The following TACR3 variants were observed in gnomAD, a reference collection of about 807,000 sequenced individuals.
TACR3 encodes neuromedin-K receptor.
In TACR3, 34 loss-of-function variants were observed where a neutral mutation model predicts 35.0. That is an observed-to-expected ratio of 0.97 (90% CI 0.74 to 1.30). The LOEUF (loss-of-function observed/expected upper bound fraction) is 1.30, where lower values mean the gene tolerates loss of function less well. Ranked by LOEUF, TACR3 falls within the 50% of genes most tolerant of loss-of-function variation. The pLI is 0.00. For synonymous variants in TACR3, 233 were observed against 221.1 expected (o/e 1.05, Z -0.48); for missense variants, 558 against 591.7 (o/e 0.94, Z 0.59).
chr4:103,614,377 T>C (rs73835386), intron 3 of TACR3, among the ~76,000 whole-genome samples: 10,307 of 152,172 alleles, frequency 0.068, 376 homozygotes, highest in Middle Eastern at 0.082. Flanking sequence ...GATTTTTTTT[T>C]CCTTGATATT....
intron 1 of TACR3, among the ~76,000 whole-genome samples, chr4:103,662,330 C>T (rs1487105572): frequency 2.0e-5 from 3 of 150,786 alleles, no homozygotes; most frequent in Non-Finnish European, 4.4e-5. Context: ...AAGCAATTCT[C>T]TTGTCTCAGC....
At chr4:103,684,547 A>G (rs1722186478) in intron 1 of TACR3, among the ~76,000 whole-genome samples, 1 of 152,208 alleles carries the variant, frequency 6.6e-6, no homozygotes. Context: ...TAAAAAAATA[A>G]AGACCGAAAT....
intron 1 of TACR3, among the ~76,000 whole-genome samples, chr4:103,707,646 C>G (rs187982693): frequency 2.6e-5 from 4 of 151,628 alleles, no homozygotes; most frequent in Admixed American, 1.3e-4. Context: ...GTTTGTCAGA[C>G]AGTGGGTACA....
At chr4:103,599,110 T>A (rs1724121629) in intron 3 of TACR3, among the ~76,000 whole-genome samples, 2 of 152,198 alleles carry the variant, frequency 1.3e-5, no homozygotes, top group African/African-American at 4.8e-5. Flanking sequence ...TCCATTTGTT[T>A]GTATCCTCTT....
At chr4:103,624,536 G>A (rs1724849254) in intron 3 of TACR3, 1 of 152,094 alleles carries the variant, frequency 6.6e-6, no homozygotes, top group African/African-American at 2.4e-5. Context: ...GCTGAGTAAA[G>A]TATATAGGTG....
At chr4:103,654,535 A>G (rs1249477059) in intron 3 of TACR3, among the ~76,000 whole-genome samples, 3 of 104,688 alleles carry the variant, frequency 2.9e-5, no homozygotes, top group African/African-American at 3.8e-5. Flanking sequence ...ATCACACACC[A>G]GGGACTGTTG....
chr4:103,668,580 G>T (rs1295281114), intron 1 of TACR3, among the ~76,000 whole-genome samples: 1 of 151,890 alleles, frequency 6.6e-6, no homozygotes, highest in South Asian at 2.1e-4. Context: ...AGGTGTGGTG[G>T]CCCACACCTG....
rs575315197 is a variant in TACR3 at position 103,642,576 on chromosome 4, T to C, written c.888+13618A>G. The stretch of plus-strand genomic sequence containing the variant: ...CAGGCACAGAAAGACAAATAATGCA[T>C]GTACTCACTCATATGTGGGAACTAT... On this transcript the variant is annotated intron_variant, in intron 3 of 4. Coordinates refer to ENST00000304883, the MANE Select transcript of TACR3 (RefSeq NM_001059.3). Among the ~76,000 whole-genome samples the C allele has an allele frequency of 2.2e-4, 34 of 151,970 alleles. No homozygotes were observed. The South Asian group carries it at 4.4e-3, about 19-fold the overall frequency.
chr4:103,627,274 G>A (rs1724915506), intron 3 of TACR3, among the ~76,000 whole-genome samples: 1 of 138,328 alleles, frequency 7.2e-6, no homozygotes, highest in Admixed American at 7.6e-5. Context: ...CCAGCACTTT[G>A]AGAAGCCAGG....
intron 3 of TACR3, among the ~76,000 whole-genome samples, chr4:103,621,908 T>G (rs1724789037): frequency 6.6e-6 from 1 of 152,208 alleles, no homozygotes; most frequent in Non-Finnish European, 1.5e-5. Flanking sequence ...AGGGTGTTGA[T>G]ATCCTGGGAG....
rs567519723 is a variant in TACR3 at position 103,700,909 on chromosome 4, A to T, written c.548+18219T>A. ...TGATGGGACGTATCTCAAAATAATA[A>T]GAGCTATCTATGACAAACCCACAGC... is the stretch of plus-strand genomic sequence containing the variant. On this transcript the variant is annotated intron_variant, in intron 1 of 4. Transcript: ENST00000304883. 2.9e-4 allele frequency among the ~76,000 whole-genome samples: 44 copies of T among 152,300 alleles called. No homozygotes were observed. The East Asian group carries it at 6.4e-3, about 22-fold the overall frequency.
Position 103,626,067 on chromosome 4 carries a change from T to A in TACR3, c.888+30127A>T, listed in dbSNP as rs192765615. Among the ~76,000 whole-genome samples the A allele has an allele frequency of 1.2e-4, 18 of 152,276 alleles. No homozygotes were observed. The East Asian group carries it at 1.9e-3, about 16-fold the overall frequency. On this transcript the variant is annotated intron_variant, in intron 3 of 4. Transcript: ENST00000304883. Reference sequence around the variant, plus strand: ...GCCTCCAAGACAGTGGAAAAATAAATGTCTATAGTTTAAGCCACCCAGTCT... The same window carrying A: ...GCCTCCAAGACAGTGGAAAAATAAAAGTCTATAGTTTAAGCCACCCAGTCT...
rs978406918 is a variant in TACR3 at position 103,650,559 on chromosome 4, A to G, written c.888+5635T>C. ...TATAAATATATAAAATAAATTTAAT[A>G]AAATAAATATATAAAATAAATTTAA... is the stretch of plus-strand genomic sequence containing the variant. On this transcript the variant is annotated intron_variant, in intron 3 of 4. Coordinates refer to ENST00000304883, the MANE Select transcript of TACR3 (RefSeq NM_001059.3). Among the ~76,000 whole-genome samples, 377 of 89,348 alleles carry G rather than the reference A, an allele frequency of 4.2e-3. 3 individuals are homozygous for G. Among genetic ancestry groups the G allele is most frequent in the Admixed American group, 6.3e-3 (49 of 7,798 alleles). The allele number at this position is 89,348 out of a possible 152,430, so 58.6% of individuals were successfully genotyped here.
At chr4:103,603,183 G>T (rs1724253058) in intron 3 of TACR3, among the ~76,000 whole-genome samples, 1 of 152,218 alleles carries the variant, frequency 6.6e-6, no homozygotes, top group African/African-American at 2.4e-5. Context: ...ATGGGCGTAG[G>T]ACCCTCCTAG....
At chr4:103,676,541 T>C (rs903548129) in intron 1 of TACR3, among the ~76,000 whole-genome samples, 2 of 152,204 alleles carry the variant, frequency 1.3e-5, no homozygotes, top group African/African-American at 2.4e-5. Flanking sequence ...TTCTTCAGAA[T>C]AAAGAATCCA....
chr4:103,632,865 T>C (rs1337718457), intron 3 of TACR3, among the ~76,000 whole-genome samples: 2 of 151,844 alleles, frequency 1.3e-5, no homozygotes, highest in Non-Finnish European at 2.9e-5. Context: ...AGCCACAATA[T>C]TCATAATCAA....
intron 3 of TACR3, among the ~76,000 whole-genome samples, chr4:103,607,036 T>G (rs1724389428): frequency 6.6e-6 from 1 of 152,166 alleles, no homozygotes; most frequent in African/African-American, 2.4e-5. Flanking sequence ...CATGAAGGGT[T>G]GTTGAATTTT....
chr4:103,664,077 A>G (rs1290599706), intron 1 of TACR3, among the ~76,000 whole-genome samples: 1 of 152,194 alleles, frequency 6.6e-6, no homozygotes, highest in Non-Finnish European at 1.5e-5. Flanking sequence ...TCTTCATATT[A>G]GCATACCACC....
intron 1 of TACR3, among the ~76,000 whole-genome samples, chr4:103,687,641 T>C (rs1421295020): frequency 2.0e-5 from 3 of 152,100 alleles, no homozygotes; most frequent in African/African-American, 7.2e-5. Context: ...TGAACTCCCA[T>C]TCACAATTGC....
Sources: allele counts gnomAD v4.1 joint callset (sites outside exome capture counted in the v4.1 genomes callset), GRCh38; gene constraint gnomAD v4.1.1; transcripts MANE v1.5; gene names NCBI Gene and HGNC (gene_info 2026-07-23, HGNC 2026-07-21).